The following EML5 variants were observed in gnomAD, a reference collection of about 807,000 sequenced individuals.
The protein encoded by EML5 is echinoderm microtubule-associated protein-like 5.
A neutral mutation model predicts 250.0 loss-of-function variants in EML5; 120 were observed. The ratio of observed to expected loss-of-function variants is 0.48; its 90% CI spans 0.41 to 0.56. The LOEUF is 0.56. EML5 is among the 20% of genes least tolerant of loss of function. The probability of loss-of-function intolerance (pLI) is 0.00; values close to 1 mark genes in which losing one functional copy is unlikely to be tolerated. For synonymous variants in EML5, 771 were observed against 806.5 expected (o/e 0.96, Z 0.75); for missense variants, 2,006 against 2,437.6 (o/e 0.82, Z 3.73).
chr14:88,718,506 G>A (rs2093538615), intron 8 of EML5, among the ~76,000 whole-genome samples: 1 of 152,190 alleles, frequency 6.6e-6, no homozygotes, highest in South Asian at 2.1e-4. Context: ...AAGGGAGAAA[G>A]CATTTTGAGA....
intron 1 of EML5, among the ~76,000 whole-genome samples, chr14:88,781,940 GGAAGT>G (rs2094501479): frequency 6.6e-6 from 1 of 152,206 alleles, no homozygotes; most frequent in African/African-American, 2.4e-5. Flanking sequence ...CCAAAAATGT[GGAAGT>G]GACTTTGTAA....
chr14:88,702,542 A>G lies in EML5; in HGVS notation c.2142T>C (p.Asn714=). 6.2e-7 allele frequency: 1 copy of G among 1,613,414 alleles called. No individual in the cohort carries two copies. The highest frequency in any genetic ancestry group is 8.5e-7 in the Non-Finnish European group (1 of 1,179,584). ...AAAAACGCTGTGTGTTTTGCTGTCG[A>G]TTATAAATGACACCCACTGCTGCCA... is the stretch of plus-strand genomic sequence containing the variant. ...YHVAAVGVIY[N]RQQNTQRFYL... The change falls in exon 14 of 44, where the codon AAT becomes AAC. Residue 714 remains asparagine, a synonymous_variant. Coordinates refer to ENST00000554922, the MANE Select transcript of EML5 (RefSeq NM_183387.3).
intron 14 of EML5, among the ~76,000 whole-genome samples, chr14:88,701,978 T>C (rs2093220760): frequency 6.6e-6 from 1 of 152,198 alleles, no homozygotes; most frequent in African/African-American, 2.4e-5. Context: ...GTTAAGATTT[T>C]CTCAGGGTTT....
At chr14:88,753,100 C>T (rs4904467) in intron 2 of EML5, among the ~76,000 whole-genome samples, 150,490 of 152,272 alleles carry the variant, frequency 0.99, 74,367 homozygotes, top group East Asian at 1. Flanking sequence ...CTGCTGGTGT[C>T]AAAGAATATT....
chr14:88,642,426 G>A (rs2140641586), intron 31 of EML5, among the ~76,000 whole-genome samples: 1 of 152,218 alleles, frequency 6.6e-6, no homozygotes, highest in East Asian at 1.9e-4. Flanking sequence ...TAGAGCCACA[G>A]ATAAACAGCT....
intron 8 of EML5, among the ~76,000 whole-genome samples, chr14:88,721,121 A>G (rs1201109871): frequency 6.6e-6 from 1 of 152,152 alleles, no homozygotes; most frequent in African/African-American, 2.4e-5. Flanking sequence ...GAAATAAAAG[A>G]GAACACAAAT....
chr14:88,664,084 C>A (rs1344717295), intron 23 of EML5, among the ~76,000 whole-genome samples: 1 of 151,248 alleles, frequency 6.6e-6, no homozygotes, highest in African/African-American at 2.4e-5. Context: ...TCGGGACCAG[C>A]CTGGGCAATA....
chr14:88,712,163 T>A (rs1176629706), intron 10 of EML5, 108 bp downstream of exon 10: 1 of 725,682 alleles, frequency 1.4e-6, no homozygotes, highest in East Asian at 2.7e-5. Context: ...CACCAATCAG[T>A]GTAATTTTAA....
intron 7 of EML5, among the ~76,000 whole-genome samples, chr14:88,727,346 G>A (rs1954449967): frequency 6.6e-6 from 1 of 151,340 alleles, no homozygotes; most frequent in African/African-American, 2.4e-5. Flanking sequence ...AGGGATGTGA[G>A]TATACCATCT....
intron 32 of EML5, among the ~76,000 whole-genome samples, chr14:88,636,340 T>C (rs36103420): frequency 0.18 from 27,687 of 152,042 alleles, 3,044 homozygotes; most frequent in East Asian, 0.47. Flanking sequence ...TGGAATGTAG[T>C]TGGAGGGTGC....
intron 1 of EML5, among the ~76,000 whole-genome samples, chr14:88,787,404 CTAA>C (rs1411121069): frequency 2.0e-4 from 30 of 152,242 alleles, no homozygotes; most frequent in African/African-American, 7.0e-4. Context: ...TTAATAGCTT[CTAA>C]TAATTCATTA....
chr14:88,781,747 C>T (rs1336555454), intron 1 of EML5, among the ~76,000 whole-genome samples: 2 of 152,176 alleles, frequency 1.3e-5, no homozygotes, highest in Non-Finnish European at 2.9e-5. Flanking sequence ...GTCCTTGCTG[C>T]CACCATGTGA....
At chr14:88,767,344 G>C (rs964691803) in intron 1 of EML5, among the ~76,000 whole-genome samples, 1 of 152,132 alleles carries the variant, frequency 6.6e-6, no homozygotes, top group Non-Finnish European at 1.5e-5. Context: ...GCACAGAAGT[G>C]AGTCAACTAT....
intron 1 of EML5, among the ~76,000 whole-genome samples, chr14:88,762,472 T>C (rs1449027433): frequency 6.6e-6 from 1 of 151,352 alleles, no homozygotes; most frequent in Non-Finnish European, 1.5e-5. Context: ...ATCATGCCAT[T>C]GCACTCCAGC....
intron 1 of EML5, among the ~76,000 whole-genome samples, chr14:88,768,484 C>T (rs1034568632): frequency 1.3e-5 from 2 of 151,900 alleles, no homozygotes; most frequent in African/African-American, 2.4e-5. Flanking sequence ...AATCTTGGCT[C>T]GCTGCAACTT....
At chr14:88,671,074 C>T (rs2092450150) in intron 21 of EML5, among the ~76,000 whole-genome samples, 2 of 152,112 alleles carry the variant, frequency 1.3e-5, no homozygotes, top group African/African-American at 4.8e-5. Context: ...GTAAGATACT[C>T]CATGAGAAGA....
At chr14:88,689,551 C>T (rs1194106109) in intron 17 of EML5, among the ~76,000 whole-genome samples, 4 of 151,950 alleles carry the variant, frequency 2.6e-5, no homozygotes, top group African/African-American at 9.7e-5. Flanking sequence ...TCACAAATTC[C>T]TTCCTTCCTT....
Position 88,745,167 on chromosome 14 carries a change from T to TTGTTTGTTTG in EML5, c.456+1017_456+1018insCAAACAAACA, listed in dbSNP as rs148282706. 5.6e-3 allele frequency among the ~76,000 whole-genome samples: 810 copies of TTGTTTGTTTG among 145,260 alleles called. 6 individuals are homozygous for TTGTTTGTTTG. The highest frequency in any genetic ancestry group is 0.018 in the African/African-American group (692 of 38,976). Reference sequence around the variant, plus strand: ...TTTAATAATGGTCTAAATTGTGTGTTTGTGTGTGTGTGTGTGTGTGTGTGT... The same window carrying TTGTTTGTTTG: ...TTTAATAATGGTCTAAATTGTGTGTTTGTTTGTTTGTGTGTGTGTGTGTGTGTGTGTGTGT... On this transcript the variant is annotated intron_variant, in intron 3 of 43. Coordinates refer to ENST00000554922, the MANE Select transcript of EML5 (RefSeq NM_183387.3).
chr14:88,768,864 T>C (rs1285784740), intron 1 of EML5, among the ~76,000 whole-genome samples: 1 of 152,206 alleles, frequency 6.6e-6, no homozygotes, highest in Non-Finnish European at 1.5e-5. Flanking sequence ...TAGCAAACTT[T>C]TTCTGGAAAG....
Sources: gnomAD v4.1 joint callset for allele counts (sites outside exome capture counted in the v4.1 genomes callset) on GRCh38, gnomAD v4.1.1 for gene constraint, MANE v1.5 for transcripts, NCBI Gene and HGNC (gene_info 2026-07-23, HGNC 2026-07-21) for gene names.